The following MSI1 variants were observed in gnomAD, a reference collection of about 807,000 sequenced individuals.
The protein encoded by MSI1 is musashi RNA binding protein 1.
Under a neutral mutation model 54.4 loss-of-function variants are expected in MSI1, and 15 were observed. The ratio of observed to expected loss-of-function variants is 0.28; its 90% confidence interval spans 0.18 to 0.42. The LOEUF (loss-of-function observed/expected upper bound fraction) is 0.42, where lower values mean the gene tolerates loss of function less well. Ranked by LOEUF, MSI1 falls within the 20% of genes least tolerant of loss-of-function variation. MSI1 has a pLI of 1.00. For missense variants in MSI1, 304 were observed against 506.0 expected (o/e 0.60, Z 3.83); for synonymous variants, 200 against 196.5 (o/e 1.02, Z -0.15).
chr12:120,343,507 A>C (rs1001462891), intron 14 of MSI1, among the ~76,000 whole-genome samples: 1 of 152,076 alleles, frequency 6.6e-6, no homozygotes, highest in African/African-American at 2.4e-5. Context: ...TACGAATGTG[A>C]GCCACCACAC....
intron 11 of MSI1, among the ~76,000 whole-genome samples, chr12:120,350,673 G>C (rs1874521096): frequency 6.6e-6 from 1 of 152,176 alleles, no homozygotes; most frequent in Admixed American, 6.5e-5. Flanking sequence ...TCGGCTCAAG[G>C]CTGGCTCCGC....
intron 6 of MSI1, among the ~76,000 whole-genome samples, chr12:120,359,616 G>T (rs1224686438): frequency 1.3e-5 from 2 of 152,102 alleles, no homozygotes; most frequent in African/African-American, 4.8e-5. Context: ...CCACTGACTG[G>T]GGGAAGGGAA....
chr12:120,344,540 CAA>C (rs1004624452), intron 14 of MSI1, among the ~76,000 whole-genome samples: 10 of 151,690 alleles, frequency 6.6e-5, no homozygotes, highest in African/African-American at 2.4e-4. Context: ...CCCATCTCTA[CAA>C]AAAAATTTTT....
chr12:120,368,690 G>C lies in MSI1; in HGVS notation c.100+143C>G, dbSNP rs1876188014. 1 of 711,454 alleles carries C rather than the reference G, an allele frequency of 1.4e-6. No homozygotes were observed. 44.1% of individuals were successfully genotyped at this position (711,454 alleles called of 1,614,324 possible). On this transcript the variant is annotated intron_variant, in intron 2 of 14. Coordinates refer to ENST00000257552, the MANE Select transcript of MSI1 (RefSeq NM_002442.4). This position sits in a 1 kb window ranked among gnomAD's most constrained non-coding sequence, Gnocchi z 6.6. ...GCTCGCGGATCGCCCTGCGCTCTCG[G>C]GGTCTCCGGGCGGGGCGCGAAAGAG...
At position 120,368,138 on chromosome 12, in the gene MSI1, G is replaced by A; in HGVS notation, c.183-46C>T. The A allele has an allele frequency of 1.3e-6, 2 of 1,593,026 alleles. No individual in the cohort carries two copies. The highest frequency in any genetic ancestry group is 8.5e-7 in the Non-Finnish European group (1 of 1,169,720). Reference sequence around the variant, plus strand: ...GAGGCAGATGGTTACAAGGCAGTGAGTGGCGGGTGGAGGGGGGCGAGCCGG... The same window carrying A: ...GAGGCAGATGGTTACAAGGCAGTGAATGGCGGGTGGAGGGGGGCGAGCCGG... On this transcript the variant is annotated intron_variant, in intron 3 of 14. Coordinates refer to ENST00000257552, the MANE Select transcript of MSI1 (RefSeq NM_002442.4). This position sits in a 1 kb window ranked among gnomAD's most constrained non-coding sequence, Gnocchi z 6.6.
chr12:120,368,781 G>A lies in MSI1; in HGVS notation c.100+52C>T, dbSNP rs1355066477. On this transcript the variant is annotated intron_variant, in intron 2 of 14. Coordinates refer to ENST00000257552, the MANE Select transcript of MSI1 (RefSeq NM_002442.4). The surrounding 1 kb of genome is among the most constrained non-coding windows in gnomAD (Gnocchi z 6.6). ...CTGGGGTGTCCGGGTCCGGGGCGCC[G>A]GGGGGTCCGGGGTGCCCTGCCGGAC... 7.4e-7 allele frequency: 1 copy of A among 1,343,634 alleles called. No individual in the cohort carries two copies. The highest frequency in any genetic ancestry group is 2.8e-5 in the Admixed American group (1 of 36,266). The allele number at this position is 1,343,634 out of a possible 1,614,324, so 83.2% of individuals were successfully genotyped here.
intron 4 of MSI1, among the ~76,000 whole-genome samples, chr12:120,366,648 A>G (rs928957990): frequency 1.3e-5 from 2 of 152,110 alleles, no homozygotes; most frequent in Non-Finnish European, 2.9e-5. Context: ...ACAAGTAAAT[A>G]AAAGGTGAAA....
intron 4 of MSI1, among the ~76,000 whole-genome samples, chr12:120,366,010 G>T (rs1160691561): frequency 6.6e-6 from 1 of 152,162 alleles, no homozygotes; most frequent in African/African-American, 2.4e-5. Context: ...AACAACCAGA[G>T]GGAAAAATCA....
At chr12:120,358,724 C>T (rs763888322) in intron 7 of MSI1, among the ~76,000 whole-genome samples, 7 of 113,612 alleles carry the variant, frequency 6.2e-5, no homozygotes, top group African/African-American at 1.4e-4. Context: ...AAGGTAAGCC[C>T]GGGCAGAGGC....
At chr12:120,363,562 G>A (rs1875829076) in intron 5 of MSI1, among the ~76,000 whole-genome samples, 1 of 150,236 alleles carries the variant, frequency 6.7e-6, no homozygotes, top group African/African-American at 2.5e-5. Flanking sequence ...CACAACCTCT[G>A]GCAGCCCTGT....
chr12:120,365,086 T>C (rs1875931408), intron 4 of MSI1, among the ~76,000 whole-genome samples: 1 of 152,134 alleles, frequency 6.6e-6, no homozygotes, highest in African/African-American at 2.4e-5. Context: ...AATTTTTGTA[T>C]TTTTAGTAGA....
Position 120,368,953 on chromosome 12 carries a change from G to C in MSI1, c.59+80C>G, listed in dbSNP as rs1876215112. 8.2e-7 allele frequency: 1 copy of C among 1,221,948 alleles called. No individual in the cohort carries two copies. Among genetic ancestry groups the C allele is most frequent in the Non-Finnish European group, 1.0e-6 (1 of 970,548 alleles). The allele number at this position is 1,221,948 out of a possible 1,614,324, so 75.7% of individuals were successfully genotyped here. A position where few individuals can be genotyped will look rare whatever the true frequency, so the allele number is the denominator to read the frequency against. On this transcript the variant is annotated intron_variant, in intron 1 of 14. Transcript: ENST00000257552. The surrounding 1 kb of genome is among the most constrained non-coding windows in gnomAD (Gnocchi z 6.6). ...CAGGGGGCGCGGGCCCGGGCTCCGG[G>C]GAGGCCCGGCCGGACCCGGATCGGC...
chr12:120,352,944 T>A (rs1348917564), intron 10 of MSI1, among the ~76,000 whole-genome samples: 2 of 152,164 alleles, frequency 1.3e-5, no homozygotes. Context: ...TCTGTGATGA[T>A]GCAACCAACA....
intron 11 of MSI1, among the ~76,000 whole-genome samples, chr12:120,350,981 G>A (rs1034920422): frequency 9.2e-5 from 14 of 152,134 alleles, no homozygotes; most frequent in South Asian, 2.1e-4. Flanking sequence ...GTATGCCCAC[G>A]CTGGTGTGCA....
intron 11 of MSI1, among the ~76,000 whole-genome samples, chr12:120,350,580 G>A (rs1278752415): frequency 2.0e-5 from 3 of 152,196 alleles, no homozygotes; most frequent in African/African-American, 7.2e-5. Flanking sequence ...CCAGGTTGAG[G>A]GGAGAGTCTG....
At chr12:120,358,161 G>A (rs1019055139) in intron 7 of MSI1, among the ~76,000 whole-genome samples, 9 of 152,234 alleles carry the variant, frequency 5.9e-5, no homozygotes, top group African/African-American at 1.9e-4. Context: ...GTAGAGCTGT[G>A]ATGAGAATAC....
Position 120,346,241 on chromosome 12 carries a change from C to T in MSI1, c.941G>A (p.Gly314Asp), listed in dbSNP as rs1355487643. 2 of 1,595,316 alleles carry T rather than the reference C, an allele frequency of 1.3e-6. No homozygotes were observed. The highest frequency in any genetic ancestry group is 4.5e-5 in the East Asian group (2 of 44,240). The change falls in exon 13 of 15, where the codon GGC (glycine) becomes GAC (aspartate). Residue 314 changes from glycine to aspartate, a missense_variant. Gly to Asp is a moderately conservative substitution (Grantham distance 94, BLOSUM62 -1). Transcript: ENST00000257552. ...CGCCCCGTAGAGCTCGGCCATGGGG[C>T]CGGGGCTGGTGGTCCCCAGGAAGCC... The part of the protein sequence containing the change: ...TGGFLGTTSP[G>D]PMAELYGAAN...
intron 13 of MSI1, 56 bp from the exon 14 acceptor site, chr12:120,345,688 G>A: frequency 6.3e-7 from 1 of 1,595,396 alleles, no homozygotes. Context: ...AAGATCAGGG[G>A]CTCCTTCTCT....
At chr12:120,354,517 C>T (rs373984330) in intron 9 of MSI1, among the ~76,000 whole-genome samples, 2 of 152,096 alleles carry the variant, frequency 1.3e-5, no homozygotes, top group African/African-American at 2.4e-5. Flanking sequence ...CCGCCACCTC[C>T]GCCTCCCAGG....
Sources: allele counts gnomAD v4.1 joint callset (sites outside exome capture counted in the v4.1 genomes callset), GRCh38; gene constraint gnomAD v4.1.1; non-coding constraint Gnocchi (gnomAD v3.1); transcripts MANE v1.5; gene names NCBI Gene and HGNC (gene_info 2026-07-23, HGNC 2026-07-21).